The following TCF4 variants were observed in gnomAD, a reference collection of about 807,000 sequenced individuals.
TCF4 encodes SL3-3 enhancer factor 2.
TCF4 carries 3 observed loss-of-function variants against 82.1 expected under a neutral mutation model. That is an observed-to-expected ratio of 0.04 (90% CI 0.02 to 0.09). The LOEUF is 0.09. Ranked by LOEUF, TCF4 falls within the 10% of genes least tolerant of loss-of-function variation. The pLI is 1.00. For synonymous variants in TCF4, 276 were observed against 309.6 expected, an observed-to-expected ratio of 0.89 and a Z score of 1.14; for missense variants, 518 against 852.7, an observed-to-expected ratio of 0.61 and a Z score of 4.89.
chr18:55,453,141 G>A (rs1346984065), intron 5 of TCF4, among the ~76,000 whole-genome samples: 1 of 152,128 alleles, frequency 6.6e-6, no homozygotes, highest in African/African-American at 2.4e-5. Flanking sequence ...AGCTGGAGAT[G>A]GCCTGGGTTA....
intron 6 of TCF4, chr18:55,401,423 C>T (rs1262006250): frequency 9.4e-7 from 1 of 1,063,542 alleles, no homozygotes; most frequent in Non-Finnish European, 1.1e-6. Context: ...ATTACGAAGG[C>T]TTTTTAAGAA....
intron 11 of TCF4, chr18:55,268,576 G>C (rs2059683849): frequency 6.6e-6 from 1 of 152,092 alleles, no homozygotes. Context: ...TAGCGGAGTG[G>C]AGAGGCTGCG....
chr18:55,283,639 T>C (rs761343678), intron 8 of TCF4, among the ~76,000 whole-genome samples: 4 of 152,182 alleles, frequency 2.6e-5, no homozygotes, highest in Non-Finnish European at 5.9e-5. Flanking sequence ...CCAAACCAGC[T>C]TGGGTCTGAC....
chr18:55,423,841 C>A (rs915761935), intron 5 of TCF4, among the ~76,000 whole-genome samples: 1 of 152,106 alleles, frequency 6.6e-6, no homozygotes, highest in Admixed American at 6.5e-5. Flanking sequence ...TCTTCATAAT[C>A]GCCCTGTCTT....
chr18:55,341,602 G>A (rs2079981648), intron 8 of TCF4, among the ~76,000 whole-genome samples: 2 of 152,072 alleles, frequency 1.3e-5, no homozygotes, highest in Non-Finnish European at 2.9e-5. Context: ...TATGTCTAGT[G>A]CAGTGTTTTT....
Position 55,343,386 on chromosome 18 carries a change from A to G in TCF4, c.549+6973T>C, listed in dbSNP as rs183847374. Among the ~76,000 whole-genome samples the G allele has an allele frequency of 2.9e-3, 443 of 152,204 alleles. 1 individual carries two copies. Among genetic ancestry groups the G allele is most frequent in the Middle Eastern group, 0.01 (3 of 294 alleles). ...CACACACACAGTTCCTCTTCTTATT[A>G]CTCTGGAAGTAAGCACTTATATATC... On this transcript the variant is annotated intron_variant, in intron 8 of 19. Coordinates refer to ENST00000354452, the MANE Select transcript of TCF4 (RefSeq NM_001083962.2).
intron 5 of TCF4, among the ~76,000 whole-genome samples, chr18:55,414,475 G>T (rs934408451): frequency 6.6e-6 from 1 of 152,144 alleles, no homozygotes; most frequent in African/African-American, 2.4e-5. Flanking sequence ...AATCTAAACT[G>T]CCTTCTCTGT....
At chr18:55,516,988 G>A (rs948760104) in intron 3 of TCF4, among the ~76,000 whole-genome samples, 1 of 152,204 alleles carries the variant, frequency 6.6e-6, no homozygotes. Context: ...GGCTAAAGCA[G>A]GCAGTCCAGT....
rs1490016863 is a variant in TCF4, at chr18:55,310,637, TAAAGGAGTTGCATTATTGGG to T, written c.550-31001_550-30982del. 2.0e-5 allele frequency among the ~76,000 whole-genome samples: 3 copies of T among 152,236 alleles called. No individual in the cohort carries two copies. The East Asian group carries it at 5.8e-4, about 29-fold the overall frequency. The stretch of plus-strand genomic sequence containing the variant: ...AGAGAGGTCCCCAGTTGTGAGGAGG[TAAAGGAGTTGCATTATTGGG>T]AAAGCTGGAAAGAACATCTTCAATG... On this transcript the variant is annotated intron_variant, in intron 8 of 19. Transcript: ENST00000354452.
At chr18:55,533,931 G>C (rs1023558595) in intron 3 of TCF4, among the ~76,000 whole-genome samples, 2 of 152,180 alleles carry the variant, frequency 1.3e-5, no homozygotes, top group African/African-American at 4.8e-5. Flanking sequence ...CCCAGTACAG[G>C]TTAAGTATCC....
At chr18:55,241,757 A>C (rs2051307076) in intron 15 of TCF4, among the ~76,000 whole-genome samples, 1 of 152,236 alleles carries the variant, frequency 6.6e-6, no homozygotes, top group Non-Finnish European at 1.5e-5. Context: ...AAGTATAAAG[A>C]AGCTCACCTA....
At chr18:55,386,505 TTTTGTAG>T (rs1336748201) in intron 6 of TCF4, among the ~76,000 whole-genome samples, 1 of 152,168 alleles carries the variant, frequency 6.6e-6, no homozygotes, top group Non-Finnish European at 1.5e-5. Context: ...CAATCTACAG[TTTTGTAG>T]TTTTTCTCAA....
intron 8 of TCF4, among the ~76,000 whole-genome samples, chr18:55,345,267 G>A (rs756481768): frequency 6.7e-6 from 1 of 149,698 alleles, no homozygotes; most frequent in Non-Finnish European, 1.5e-5. Flanking sequence ...GTCTCAATGT[G>A]TAATAGAGAA....
intron 5 of TCF4, among the ~76,000 whole-genome samples, chr18:55,443,761 A>G (rs754345273): frequency 5.8e-4 from 89 of 152,346 alleles, no homozygotes; most frequent in South Asian, 8.3e-4. Context: ...AAAGTATTCC[A>G]GAAAGAATAC....
At chr18:55,432,923 T>G (rs534849063) in intron 5 of TCF4, among the ~76,000 whole-genome samples, 2 of 152,328 alleles carry the variant, frequency 1.3e-5, no homozygotes, top group South Asian at 4.1e-4. Context: ...AAAATAATGA[T>G]GACAATATTT....
intron 3 of TCF4, among the ~76,000 whole-genome samples, chr18:55,579,612 T>C (rs901176273): frequency 4.6e-5 from 7 of 151,988 alleles, no homozygotes; most frequent in African/African-American, 1.7e-4. Context: ...CTGAAGAACA[T>C]TTCAAAACAC....
chr18:55,409,707 T>G (rs1302329337), intron 5 of TCF4, among the ~76,000 whole-genome samples: 4 of 152,228 alleles, frequency 2.6e-5, no homozygotes, highest in Non-Finnish European at 5.9e-5. Flanking sequence ...AATTAAATTT[T>G]TATTTTATTT....
intron 5 of TCF4, among the ~76,000 whole-genome samples, chr18:55,457,542 A>T (rs1411038528): frequency 1.3e-5 from 2 of 152,084 alleles, no homozygotes; most frequent in African/African-American, 4.8e-5. Context: ...TTGGGGTGCA[A>T]TGGCATGATG....
At chr18:55,228,500 G>T in intron 18 of TCF4, 139 bp from the exon 19 acceptor site, 1 of 1,225,246 alleles carries the variant, frequency 8.2e-7, no homozygotes, top group Non-Finnish European at 1.2e-6. Flanking sequence ...TAAGTACTGT[G>T]GCAATCCATT....
Sources: allele counts gnomAD v4.1 joint callset (sites outside exome capture counted in the v4.1 genomes callset), GRCh38; gene constraint gnomAD v4.1.1; transcripts MANE v1.5; gene names NCBI Gene and HGNC (gene_info 2026-07-23, HGNC 2026-07-21).